The following SNRPA1 variants were observed in gnomAD, a reference collection of about 807,000 sequenced individuals.
The protein encoded by SNRPA1 is U2 small nuclear ribonucleoprotein A'.
A neutral mutation model predicts 32.3 loss-of-function variants in SNRPA1; 5 were observed. The ratio of observed to expected loss-of-function variants is 0.15; its 90% CI spans 0.08 to 0.33. The LOEUF (loss-of-function observed/expected upper bound fraction) is 0.33. Ranked by LOEUF, SNRPA1 falls within the 10% of genes least tolerant of loss-of-function variation. The pLI is 1.00. For missense variants in SNRPA1, 198 were observed against 311.1 expected, an observed-to-expected ratio of 0.64 and a Z score of 2.74; for synonymous variants, 111 against 120.1, an observed-to-expected ratio of 0.92 and a Z score of 0.50.
intron 3 of SNRPA1, among the ~76,000 whole-genome samples, chr15:101,290,725 G>A (rs867866771): frequency 3.3e-5 from 5 of 150,360 alleles, no homozygotes; most frequent in Non-Finnish European, 7.4e-5. Context: ...ACAGATGCAC[G>A]CTACCACTTT....
At chr15:101,283,722 G>A (rs1464231373) in intron 8 of SNRPA1, among the ~76,000 whole-genome samples, 1 of 152,194 alleles carries the variant, frequency 6.6e-6, no homozygotes, top group Non-Finnish European at 1.5e-5. Context: ...GAGGCAGGTG[G>A]ATCACGGGGT....
rs2039572351 is a variant in SNRPA1, at chr15:101,295,017, T to G, written c.82+80A>C. 9 of 955,210 alleles carry G rather than the reference T, an allele frequency of 9.4e-6. No individual in the cohort carries two copies. The East Asian group carries it at 3.0e-4, about 31-fold the overall frequency. 59.2% of individuals were successfully genotyped at this position (955,210 alleles called of 1,614,324 possible). A position where few individuals can be genotyped will look rare whatever the true frequency, so the allele number is the denominator to read the frequency against. On this transcript the variant is annotated intron_variant, in intron 1 of 8. Transcript: ENST00000254193. ...CCGGCCCGCGGGCCAAGCTCCGGCC[T>G]TCGGTGCACGCGGCAAAGCGCGGAA...
At chr15:101,286,150 G>T in intron 6 of SNRPA1, 64 bp downstream of exon 6, 1 of 1,398,970 alleles carries the variant, frequency 7.1e-7, no homozygotes, top group Non-Finnish European at 1.0e-6. Context: ...GAGACGAACT[G>T]CCAGACAGAT....
chr15:101,294,273 G>C (rs2039561706), intron 1 of SNRPA1, among the ~76,000 whole-genome samples: 1 of 152,180 alleles, frequency 6.6e-6, no homozygotes, highest in African/African-American at 2.4e-5. Context: ...ATTTCCCAAA[G>C]GTCGGCAAGA....
At chr15:101,294,008 C>G (rs905796947) in intron 1 of SNRPA1, among the ~76,000 whole-genome samples, 1 of 152,118 alleles carries the variant, frequency 6.6e-6, no homozygotes, top group African/African-American at 2.4e-5. Context: ...CCAAGGCGGG[C>G]GGATCACCTG....
chr15:101,287,020 A>C lies in SNRPA1; in HGVS notation c.357-10T>G. ...CGGATTTCTTAGGATACTACAAGAA[A>C]AGGAATGACACAATGGCAAACTTGT... On this transcript the variant is annotated splice_polypyrimidine_tract_variant and intron_variant, in intron 4 of 8. Coordinates refer to ENST00000254193, the MANE Select transcript of SNRPA1 (RefSeq NM_003090.4). The C allele has an allele frequency of 6.8e-7, 1 of 1,476,416 alleles. No homozygotes were observed. Among genetic ancestry groups the C allele is most frequent in the Non-Finnish European group, 9.5e-7 (1 of 1,056,512 alleles). The allele number at this position is 1,476,416 out of a possible 1,614,324, so 91.5% of individuals were successfully genotyped here.
chr15:101,287,933 A>G, intron 3 of SNRPA1: 2 of 469,140 alleles, frequency 4.3e-6, no homozygotes, highest in South Asian at 5.3e-5. Context: ...ATAGCAGGAG[A>G]TAAGAAATTG....
At chr15:101,284,538 C>T (rs527311482) in intron 8 of SNRPA1, among the ~76,000 whole-genome samples, 2 of 145,258 alleles carry the variant, frequency 1.4e-5, no homozygotes, top group East Asian at 2.0e-4. Flanking sequence ...CAGTTTTGCT[C>T]GTTGCCCAGG....
intron 8 of SNRPA1, among the ~76,000 whole-genome samples, chr15:101,283,865 G>A (rs28622909): frequency 0.068 from 10,352 of 152,194 alleles, 407 homozygotes; most frequent in African/African-American, 0.12. Flanking sequence ...GCTTGAACCC[G>A]GGAGGCGGAG....
At chr15:101,282,912 G>A (rs546137469) in intron 8 of SNRPA1, among the ~76,000 whole-genome samples, 1 of 152,284 alleles carries the variant, frequency 6.6e-6, no homozygotes, top group South Asian at 2.1e-4. Flanking sequence ...TCATGTTTGA[G>A]AAGACAGGTA....
At chr15:101,284,418 C>A (rs775976844) in intron 8 of SNRPA1, among the ~76,000 whole-genome samples, 1 of 152,044 alleles carries the variant, frequency 6.6e-6, no homozygotes, top group Admixed American at 6.5e-5. Flanking sequence ...CGCTAGTGTT[C>A]GGTGCACTCC....
At chr15:101,293,886 C>T (rs2039556152) in intron 1 of SNRPA1, among the ~76,000 whole-genome samples, 1 of 152,204 alleles carries the variant, frequency 6.6e-6, no homozygotes, top group Non-Finnish European at 1.5e-5. Flanking sequence ...CATCAAAATA[C>T]GTATTCTCAA....
At chr15:101,294,867 C>G (rs1054039129) in intron 1 of SNRPA1, 5 of 427,476 alleles carry the variant, frequency 1.2e-5, no homozygotes, top group African/African-American at 1.0e-4. Flanking sequence ...ATGAAGTCAC[C>G]CGTGCCTGTC....
chr15:101,293,998 C>T (rs1256876645), intron 1 of SNRPA1, among the ~76,000 whole-genome samples: 1 of 152,228 alleles, frequency 6.6e-6, no homozygotes, highest in African/African-American at 2.4e-5. Flanking sequence ...CTTCGGGAGA[C>T]CAAGGCGGGC....
At chr15:101,283,998 A>G (rs917899018) in intron 8 of SNRPA1, among the ~76,000 whole-genome samples, 4 of 152,248 alleles carry the variant, frequency 2.6e-5, no homozygotes, top group African/African-American at 9.6e-5. Context: ...TTATTTCCCT[A>G]GGAAACTTCC....
At chr15:101,292,945 A>C in intron 2 of SNRPA1, 80 bp downstream of exon 2, 1 of 836,962 alleles carries the variant, frequency 1.2e-6, no homozygotes, top group Non-Finnish European at 1.8e-6. Context: ...TTTAACCAGT[A>C]GCACGTGCTA....
chr15:101,287,096 A>C, intron 4 of SNRPA1, 86 bp from the exon 5 acceptor site: 1 of 599,334 alleles, frequency 1.7e-6, no homozygotes, highest in Non-Finnish European at 3.0e-6. Context: ...GGAACCTATA[A>C]ATCAAGGGAA....
At chr15:101,285,695 T>A in intron 7 of SNRPA1, 31 bp downstream of exon 7, 1 of 1,471,906 alleles carries the variant, frequency 6.8e-7, no homozygotes, top group Non-Finnish European at 9.5e-7. Flanking sequence ...TCTTAGCTCA[T>A]TCCAGTCCAA....
chr15:101,295,016 C>T, intron 1 of SNRPA1, 81 bp downstream of exon 1: 1 of 946,742 alleles, frequency 1.1e-6, no homozygotes, highest in East Asian at 3.3e-5. Context: ...AAGCTCCGGC[C>T]TTCGGTGCAC....
Sources: gnomAD v4.1 joint callset for allele counts (sites outside exome capture counted in the v4.1 genomes callset) on GRCh38, gnomAD v4.1.1 for gene constraint, MANE v1.5 for transcripts, NCBI Gene and HGNC (gene_info 2026-07-23, HGNC 2026-07-21) for gene names.